ZNF148: variants seen among roughly 807,000 people sequenced by gnomAD.
The protein encoded by ZNF148 is Beta-Enolase Repressor Factor-1.
Under a neutral mutation model 67.7 loss-of-function variants are expected in ZNF148, and 7 were observed. The observed-to-expected ratio is 0.10, with a 90% CI of 0.06 to 0.19. The LOEUF (loss-of-function observed/expected upper bound fraction) is 0.19, where lower values mean the gene tolerates loss of function less well. Among genes scored for constraint, ZNF148 ranks in the 10% least tolerant of loss-of-function variants. The pLI, the probability that ZNF148 is intolerant of heterozygous loss-of-function variation, is 1.00. For synonymous variants in ZNF148, 333 were observed against 330.7 expected, an observed-to-expected ratio of 1.01 and a Z score of -0.08; for missense variants, 583 against 947.1, an observed-to-expected ratio of 0.62 and a Z score of 5.05.
intron 7 of ZNF148, among the ~76,000 whole-genome samples, chr3:125,250,699 GTTTT>G (rs1000125819): frequency 4.1e-4 from 62 of 152,270 alleles, no homozygotes; most frequent in African/African-American, 1.4e-3. Flanking sequence ...GTTTTCTGGG[GTTTT>G]TTGTTTGTTT....
chr3:125,292,463 A>G (rs1939068712), intron 4 of ZNF148: 3 of 152,216 alleles, frequency 2.0e-5, no homozygotes, highest in African/African-American at 7.2e-5. Context: ...AAGTTACCTT[A>G]CCTGAAACAG....
chr3:125,258,423 A>AC (rs1937194351), intron 7 of ZNF148, among the ~76,000 whole-genome samples: 1 of 20,310 alleles, frequency 4.9e-5, no homozygotes, highest in South Asian at 1.1e-3. Flanking sequence ...ACTCCATCTC[A>AC]AAAAAAAAAA....
At chr3:125,347,611 A>G (rs1941994693) in intron 1 of ZNF148, among the ~76,000 whole-genome samples, 1 of 151,506 alleles carries the variant, frequency 6.6e-6, no homozygotes, top group Admixed American at 6.6e-5. Context: ...TCTGTCACCC[A>G]GGCTGGAGTG....
At position 125,232,786 on chromosome 3, in the gene ZNF148, T is replaced by A; in HGVS notation, c.1940A>T (p.Asp647Val). Residue 647 changes from aspartate to valine, a missense_variant, in exon 9 of 9, where the codon GAC becomes GTC. By Grantham distance (152) the Asp-to-Val change is radical. Around this residue, in one of 5 missense-constraint regions of ZNF148, gnomAD observed 158 missense variants for 208.4 expected, o/e 0.76. Transcript: ENST00000360647. This position sits in a 1 kb window ranked among gnomAD's most constrained non-coding sequence, Gnocchi z 4.2. ...GGGCATGGTGGCATAGACCTGCTTGTCTATGGAAGAGAATGCTGGCTGATT... is the reference window on the plus strand; with the variant it reads ...GGGCATGGTGGCATAGACCTGCTTGACTATGGAAGAGAATGCTGGCTGATT... ...LPNQPAFSSI[D>V]KQVYATMPIN... The A allele has an allele frequency of 6.2e-7, 1 of 1,613,820 alleles. No individual in the cohort carries two copies. Among genetic ancestry groups the A allele is most frequent in the Non-Finnish European group, 8.5e-7 (1 of 1,179,806 alleles).
intron 7 of ZNF148, among the ~76,000 whole-genome samples, chr3:125,241,257 AAC>A (rs1936341317): frequency 6.6e-6 from 1 of 151,850 alleles, no homozygotes; most frequent in African/African-American, 2.4e-5. Context: ...CGACAAAGGT[AAC>A]TACATTTATT....
chr3:125,298,618 A>ATTTTTTTTT (rs11312460), intron 4 of ZNF148, among the ~76,000 whole-genome samples: 1 of 102,656 alleles, frequency 9.7e-6, no homozygotes, highest in Non-Finnish European at 1.8e-5. Context: ...TTTATATTAA[A>ATTTTTTTTT]TTTTTTTTTT....
chr3:125,311,468 T>A (rs1940208067), intron 4 of ZNF148: 1 of 152,192 alleles, frequency 6.6e-6, no homozygotes, highest in Admixed American at 6.5e-5. Context: ...CTTCTAAAAG[T>A]ACTGCATTTT....
chr3:125,321,471 G>A (rs1241489795), intron 3 of ZNF148, among the ~76,000 whole-genome samples: 1 of 152,044 alleles, frequency 6.6e-6, no homozygotes, highest in Non-Finnish European at 1.5e-5. Context: ...AAAGTTAACA[G>A]GCATTTCTAT....
At chr3:125,296,194 T>C (rs1372448579) in intron 4 of ZNF148, among the ~76,000 whole-genome samples, 1 of 151,744 alleles carries the variant, frequency 6.6e-6, no homozygotes, top group East Asian at 1.9e-4. Flanking sequence ...CAATCTCGCC[T>C]CACTGCAACC....
In ZNF148 at chr3:125,232,296, A is replaced by C; in HGVS notation, c.*45T>G. On this transcript the variant is annotated 3_prime_UTR_variant, in exon 9 of 9. Transcript: ENST00000360647. The surrounding 1 kb of genome is among the most constrained non-coding windows in gnomAD (Gnocchi z 4.2). ...ACACAGAGTAACCCCACTCTTGATTAATCTGTTCTAAAGTGCCAGTATTAT... is the reference window on the plus strand; with the variant it reads ...ACACAGAGTAACCCCACTCTTGATTCATCTGTTCTAAAGTGCCAGTATTAT... 1 of 1,542,182 alleles carries C rather than the reference A, an allele frequency of 6.5e-7. No individual in the cohort carries two copies. Among genetic ancestry groups the C allele is most frequent in the Non-Finnish European group, 8.7e-7 (1 of 1,147,846 alleles).
At chr3:125,355,723 AT>A (rs1243041682) in intron 1 of ZNF148, among the ~76,000 whole-genome samples, 4 of 62,776 alleles carry the variant, frequency 6.4e-5, no homozygotes, top group African/African-American at 1.9e-4. Flanking sequence ...CCCAGTCTCT[AT>A]TTAAAAAAAA....
At chr3:125,340,465 C>G (rs1941666642) in intron 1 of ZNF148, among the ~76,000 whole-genome samples, 1 of 152,180 alleles carries the variant, frequency 6.6e-6, no homozygotes, top group Non-Finnish European at 1.5e-5. Context: ...GTTACCAGGA[C>G]AGGCGAGAAA....
intron 7 of ZNF148, among the ~76,000 whole-genome samples, chr3:125,242,959 T>C (rs551727606): frequency 8.4e-4 from 128 of 152,346 alleles, no homozygotes; most frequent in Non-Finnish European, 1.5e-3. Flanking sequence ...ATCTTCCTCA[T>C]TGCTTTTTCT....
chr3:125,356,936 C>T (rs933348960), intron 1 of ZNF148: 8 of 152,210 alleles, frequency 5.3e-5, no homozygotes, highest in African/African-American at 1.9e-4. Flanking sequence ...GCTCTTAATA[C>T]CCAGTAAAAA....
intron 3 of ZNF148, among the ~76,000 whole-genome samples, chr3:125,317,660 T>G (rs113030216): frequency 0.2 from 12,319 of 61,698 alleles, 751 homozygotes; most frequent in Middle Eastern, 0.25. Flanking sequence ...TATATATATA[T>G]ATAGAGAGAG....
intron 7 of ZNF148, among the ~76,000 whole-genome samples, chr3:125,243,066 T>C (rs1313390826): frequency 6.6e-6 from 1 of 152,236 alleles, no homozygotes; most frequent in Non-Finnish European, 1.5e-5. Context: ...GAAGTGTTTA[T>C]GTTAACTTAT....
At chr3:125,341,276 A>C (rs1442590922) in intron 1 of ZNF148, among the ~76,000 whole-genome samples, 1 of 151,734 alleles carries the variant, frequency 6.6e-6, no homozygotes, top group East Asian at 1.9e-4. Context: ...AGTTATTAAA[A>C]AAAGAAGCAT....
chr3:125,369,911 GTTT>G (rs58549759), intron 1 of ZNF148, among the ~76,000 whole-genome samples: 117,394 of 151,504 alleles, frequency 0.77, 46,094 homozygotes, highest in African/African-American at 0.87. Flanking sequence ...AGGAGGCGGA[GTTT>G]GAACCCAGCA....
intron 4 of ZNF148, among the ~76,000 whole-genome samples, chr3:125,307,216 T>C (rs1312585344): frequency 6.6e-6 from 1 of 152,182 alleles, no homozygotes; most frequent in African/African-American, 2.4e-5. Context: ...TCAGCATAAT[T>C]CACCATATTA....
Sources: gnomAD v4.1 joint callset for allele counts (sites outside exome capture counted in the v4.1 genomes callset) on GRCh38, gnomAD v4.1.1 for gene constraint, gnomAD v4.1.1 regional missense constraint, Gnocchi (gnomAD v3.1) non-coding constraint, MANE v1.5 for transcripts, NCBI Gene and HGNC (gene_info 2026-07-23, HGNC 2026-07-21) for gene names.